The following CUX1 variants were observed in gnomAD, a reference collection of about 807,000 sequenced individuals.
CUX1 encodes cut like homeobox 1.
A neutral mutation model predicts 158.8 loss-of-function variants in CUX1; 31 were observed. The ratio of observed to expected loss-of-function variants is 0.20; its 90% CI spans 0.15 to 0.26. The LOEUF is 0.26. Among genes scored for constraint, CUX1 ranks in the 10% least tolerant of loss-of-function variants. CUX1 has a pLI of 1.00. For missense variants in CUX1, 1,589 were observed against 2,014.6 expected (o/e 0.79, Z 4.04); for synonymous variants, 879 against 862.1 (o/e 1.02, Z -0.34).
At chr7:102,030,691 G>GTT (rs71119801) in intron 3 of CUX1, among the ~76,000 whole-genome samples, 14 of 119,398 alleles carry the variant, frequency 1.2e-4, no homozygotes, top group African/African-American at 3.1e-4. Flanking sequence ...TTTAAAAAGT[G>GTT]TTTTTTTTTT....
chr7:102,104,506 CT>C (rs1260842371), intron 6 of CUX1, 47 bp downstream of exon 6: 8 of 1,595,020 alleles, frequency 5.0e-6, no homozygotes, highest in Non-Finnish European at 6.8e-6. Context: ...GCATTTGCCC[CT>C]GAACTTCACA....
intron 2 of CUX1, among the ~76,000 whole-genome samples, chr7:101,983,762 C>T (rs1033880690): frequency 1.3e-5 from 2 of 152,068 alleles, no homozygotes; most frequent in African/African-American, 2.4e-5. Flanking sequence ...AGAATTCACT[C>T]ATTACCAGGA....
At chr7:101,834,294 C>T (rs948765557) in intron 1 of CUX1, among the ~76,000 whole-genome samples, 6 of 151,100 alleles carry the variant, frequency 4.0e-5, no homozygotes, top group Non-Finnish European at 7.4e-5. Context: ...CCGCCTCAGC[C>T]TCCCGAGTAG....
intron 3 of CUX1, among the ~76,000 whole-genome samples, chr7:102,035,588 C>A (rs1414914867): frequency 6.7e-6 from 1 of 148,658 alleles, no homozygotes; most frequent in Non-Finnish European, 1.5e-5. Flanking sequence ...TAATTATATA[C>A]CCCTGTATCA....
At chr7:101,848,051 C>CAAAAAAAAAAAA (rs57428019) in intron 1 of CUX1, among the ~76,000 whole-genome samples, 17 of 65,354 alleles carry the variant, frequency 2.6e-4, no homozygotes, top group Non-Finnish European at 4.0e-4. Context: ...GAGCAAGACT[C>CAAAAAAAAAAAA]AAAAAAAAAA....
intron 10 of CUX1, among the ~76,000 whole-genome samples, chr7:102,176,969 T>C (rs1458301884): frequency 6.6e-6 from 1 of 151,840 alleles, no homozygotes; most frequent in Non-Finnish European, 1.5e-5. Context: ...TTTAATACCT[T>C]AGCTTTTTTC....
At chr7:101,978,302 A>G (rs1812974391) in intron 2 of CUX1, among the ~76,000 whole-genome samples, 1 of 152,060 alleles carries the variant, frequency 6.6e-6, no homozygotes, top group African/African-American at 2.4e-5. Flanking sequence ...CGCCTGCACC[A>G]CCAATCCCAG....
chr7:102,254,483 A>T lies in CUX1; in HGVS notation c.*5441A>T, dbSNP rs1026177357. On this transcript the variant is annotated 3_prime_UTR_variant, in exon 24 of 24. Coordinates refer to ENST00000292535, the MANE Select transcript of CUX1 (RefSeq NM_181552.4). ...GGCATCACCCTCTTATCCCAAAAGAATATGCCAGTTCCCATCCAGCACCGA... is the reference window on the plus strand; with the variant it reads ...GGCATCACCCTCTTATCCCAAAAGATTATGCCAGTTCCCATCCAGCACCGA... 4 of 985,388 alleles carry T rather than the reference A, an allele frequency of 4.1e-6. No individual in the cohort carries two copies. The African/African-American group carries it at 7.0e-5, about 17-fold the overall frequency. The allele number at this position is 985,388 out of a possible 1,614,324, so 61.0% of individuals were successfully genotyped here.
At chr7:101,895,890 A>AGGTTTTTTTTT (rs201969207) in intron 1 of CUX1, among the ~76,000 whole-genome samples, 1 of 129,494 alleles carries the variant, frequency 7.7e-6, no homozygotes, top group Non-Finnish European at 1.6e-5. Context: ...TCACCTGTAA[A>AGGTTTTTTTTT]GTTTTTTTTT....
chr7:102,150,336 A>G (rs1389028428), intron 8 of CUX1, among the ~76,000 whole-genome samples: 5 of 152,062 alleles, frequency 3.3e-5, no homozygotes, highest in Non-Finnish European at 7.4e-5. Context: ...TTGTATTTTT[A>G]GTAGAGGCAG....
At chr7:102,237,503 A>G (rs1443685701) in intron 22 of CUX1, among the ~76,000 whole-genome samples, 2 of 152,098 alleles carry the variant, frequency 1.3e-5, no homozygotes, top group Non-Finnish European at 2.9e-5. Flanking sequence ...GCTGGTCTCA[A>G]ACTCCTAGGC....
rs1801248694 is a variant in CUX1, at chr7:102,249,482, T to G, written c.*440T>G. The G allele has an allele frequency of 4.1e-6, 4 of 985,974 alleles. No homozygotes were observed. Among genetic ancestry groups the G allele is most frequent in the Non-Finnish European group, 4.8e-6 (4 of 829,974 alleles). The allele number at this position is 985,974 out of a possible 1,614,324, so 61.1% of individuals were successfully genotyped here. On this transcript the variant is annotated 3_prime_UTR_variant, in exon 24 of 24. Transcript: ENST00000292535. ...GGTCGAGCTTTTTTGTACCCTGAAG[T>G]GTTTTTTTTATTGCCCTAAGTGATT... is the stretch of plus-strand genomic sequence containing the variant.
At chr7:102,028,277 G>A (rs866009062) in intron 3 of CUX1, 132 bp downstream of exon 3, 10 of 871,790 alleles carry the variant, frequency 1.1e-5, no homozygotes, top group East Asian at 1.0e-4. Context: ...CCGACCCAGC[G>A]TCATGCAGAT....
At chr7:102,003,295 A>AACAC (rs56760446) in intron 2 of CUX1, among the ~76,000 whole-genome samples, 17,699 of 131,786 alleles carry the variant, frequency 0.13, 1,343 homozygotes, top group East Asian at 0.25. Flanking sequence ...CCTGGTGCCG[A>AACAC]ACACACACAC....
chr7:101,896,983 C>A (rs1261314766), intron 1 of CUX1, among the ~76,000 whole-genome samples: 1 of 152,170 alleles, frequency 6.6e-6, no homozygotes, highest in African/African-American at 2.4e-5. Flanking sequence ...TCAGCAGTGG[C>A]CCCCCTGAGC....
chr7:102,115,264 C>G lies in CUX1; in HGVS notation c.665C>G (p.Thr222Ser). The change falls in exon 8 of 24, where the codon ACT (threonine) becomes AGT (serine). Residue 222 changes from threonine to serine, a missense_variant. Transcript: ENST00000292535. ...CTGAAAACCAAATACGATGAAGAAA[C>G]TACTGCAAAGTAAGTCTCTCTGCTT... ...FDLKTKYDEE[T>S]TAKADEIEMI... The G allele has an allele frequency of 1.2e-6, 2 of 1,609,978 alleles. No individual in the cohort carries two copies. Among genetic ancestry groups the G allele is most frequent in the South Asian group, 1.1e-5 (1 of 90,170 alleles).
At chr7:101,904,385 C>T (rs867518442) in intron 1 of CUX1, among the ~76,000 whole-genome samples, 8 of 152,106 alleles carry the variant, frequency 5.3e-5, no homozygotes, top group African/African-American at 1.9e-4. Context: ...TACCCTAAGT[C>T]AGTACTGTAC....
chr7:101,938,945 G>A (rs1807286688), intron 2 of CUX1, among the ~76,000 whole-genome samples: 1 of 150,790 alleles, frequency 6.6e-6, no homozygotes, highest in Non-Finnish European at 1.5e-5. Context: ...GGAGGCTGAG[G>A]CAGGAGAATC....
Position 102,255,864 on chromosome 7 carries a change from CG to C in CUX1, c.*6824del, listed in dbSNP as rs534455594. ...TATTTTTTTTGTACTTTGCTTTAAA[CG>C]GAAAGCACTTAAATAGATGACTATG... On this transcript the variant is annotated 3_prime_UTR_variant, in exon 24 of 24. Coordinates refer to ENST00000292535, the MANE Select transcript of CUX1 (RefSeq NM_181552.4). 2.7e-4 allele frequency: 265 copies of C among 984,592 alleles called. 1 individual carries two copies. In the African/African-American group the frequency reaches 4.3e-3, roughly 16 times the overall value. 61.0% of individuals were successfully genotyped at this position (984,592 alleles called of 1,614,324 possible).
Sources: allele counts gnomAD v4.1 joint callset (sites outside exome capture counted in the v4.1 genomes callset), GRCh38; gene constraint gnomAD v4.1.1; transcripts MANE v1.5; gene names NCBI Gene and HGNC (gene_info 2026-07-23, HGNC 2026-07-21).